CYP4Z1: variants seen among roughly 807,000 people sequenced by gnomAD.
The protein encoded by CYP4Z1 is cytochrome P450 4Z1.
In CYP4Z1, 41 loss-of-function variants were observed where a neutral mutation model predicts 54.2. That is an observed-to-expected ratio of 0.76 (90% CI 0.59 to 0.98). The LOEUF (loss-of-function observed/expected upper bound fraction) is 0.98. Ranked by LOEUF, CYP4Z1 falls within the 50% of genes least tolerant of loss-of-function variation. CYP4Z1 has a pLI of 0.00. For synonymous variants in CYP4Z1, 163 were observed against 206.2 expected (o/e 0.79, Z 1.79); for missense variants, 513 against 599.0 (o/e 0.86, Z 1.50).
In CYP4Z1 at chr1:47,067,622, C is replaced by A. The variant is rs1171645139; in HGVS notation, c.132C>A (p.His44Gln). 2 of 1,612,416 alleles carry A rather than the reference C, an allele frequency of 1.2e-6. No homozygotes were observed. The highest frequency in any genetic ancestry group is 1.7e-6 in the Non-Finnish European group (2 of 1,179,072). The change falls in exon 1 of 12, where the codon CAC (histidine) becomes CAA (glutamine). Residue 44 changes from histidine (H) to glutamine (Q), a missense_variant. Coordinates refer to ENST00000334194, the MANE Select transcript of CYP4Z1 (RefSeq NM_178134.3). ...GGAGATGGATGATCAGAGCCCTGCA[C>A]CTGTTTCCTGCACCCCCTGCCCACT... ...QRRRWMIRAL[H>Q]LFPAPPAHWF...
intron 6 of CYP4Z1, among the ~76,000 whole-genome samples, chr1:47,089,752 C>T (rs1236040203): frequency 3.3e-5 from 5 of 152,136 alleles, no homozygotes; most frequent in African/African-American, 1.2e-4. Context: ...TTTTTGAGAA[C>T]CCTTAGATCA....
At chr1:47,066,795 G>A (rs1349521047), upstream of CYP4Z1, among the ~76,000 whole-genome samples, 1 of 151,842 alleles carries the variant, frequency 6.6e-6, no homozygotes, top group African/African-American at 2.4e-5. Context: ...CCTACAGGAT[G>A]CAAAATTAAT....
intron 2 of CYP4Z1, among the ~76,000 whole-genome samples, chr1:47,069,393 A>G (rs1644475858): frequency 6.6e-6 from 1 of 152,208 alleles, no homozygotes; most frequent in Non-Finnish European, 1.5e-5. Flanking sequence ...TCATTCAGTT[A>G]TAAAATGCCT....
At chr1:47,109,000 A>G (rs114585917) in intron 9 of CYP4Z1, among the ~76,000 whole-genome samples, 1,626 of 152,182 alleles carry the variant, frequency 0.011, 37 homozygotes, top group African/African-American at 0.037. Context: ...CCTAAGTTTT[A>G]TATTTCCATA....
chr1:47,076,924 C>A (rs888829783), intron 2 of CYP4Z1, among the ~76,000 whole-genome samples: 1 of 144,690 alleles, frequency 6.9e-6, no homozygotes, highest in Non-Finnish European at 1.5e-5. Flanking sequence ...ATATTGATTT[C>A]TAGTTTTATT....
At chr1:47,062,069 G>A in the CYP4Z1 span, among the ~76,000 whole-genome samples, 1 of 152,134 alleles carries the variant, frequency 6.6e-6, no homozygotes, top group Non-Finnish European at 1.5e-5. Flanking sequence ...ACCCATATTA[G>A]CATCATAATG....
rs1343108043 is a variant in CYP4Z1 at position 47,067,655 on chromosome 1, T to C, written c.165T>C (p.Tyr55=). 4 of 1,606,798 alleles carry C rather than the reference T, an allele frequency of 2.5e-6. No individual in the cohort carries two copies. Among genetic ancestry groups the C allele is most frequent in the Non-Finnish European group, 3.4e-6 (4 of 1,175,708 alleles). The stretch of plus-strand genomic sequence containing the variant: ...CTGCACCCCCTGCCCACTGGTTCTA[T>C]GGCCACAAGGAGGTAAGAGGAGAAA... ...LFPAPPAHWF[Y]GHKEFYPVKE... Residue 55 remains tyrosine (Y), a synonymous_variant, in exon 1 of 12, where the codon TAT becomes TAC. Transcript: ENST00000334194.
chr1:47,067,210 C>G (rs561343636), upstream of CYP4Z1, among the ~76,000 whole-genome samples: 4 of 152,148 alleles, frequency 2.6e-5, no homozygotes, highest in Non-Finnish European at 5.9e-5. Flanking sequence ...TGGAAGGGGA[C>G]AGCAGTGCAG....
intron 7 of CYP4Z1, among the ~76,000 whole-genome samples, chr1:47,098,217 C>T (rs1401829004): frequency 6.6e-6 from 1 of 152,186 alleles, no homozygotes; most frequent in African/African-American, 2.4e-5. Flanking sequence ...GCAATATGGC[C>T]ATTTTCATGA....
At chr1:47,065,253 A>G (rs897233164), upstream of CYP4Z1, among the ~76,000 whole-genome samples, 1 of 152,156 alleles carries the variant, frequency 6.6e-6, no homozygotes, top group African/African-American at 2.4e-5. Context: ...TACATAGAAC[A>G]TTCTCCAAGA....
the CYP4Z1 span, among the ~76,000 whole-genome samples, chr1:47,056,115 TTGTG>T: frequency 1.3e-5 from 2 of 152,220 alleles, no homozygotes; most frequent in Non-Finnish European, 2.9e-5. Context: ...TTCTGGTATG[TTGTG>T]TCTTTGTTCT....
intron 2 of CYP4Z1, among the ~76,000 whole-genome samples, chr1:47,077,251 G>C (rs932893706): frequency 2.2e-4 from 33 of 152,016 alleles, no homozygotes; most frequent in Non-Finnish European, 4.7e-4. Context: ...CTCATATACT[G>C]TGGGGTTCTA....
At chr1:47,116,151 G>A (rs1361223237) in intron 10 of CYP4Z1, among the ~76,000 whole-genome samples, 2 of 152,094 alleles carry the variant, frequency 1.3e-5, no homozygotes, top group African/African-American at 4.8e-5. Flanking sequence ...ATACTAATCG[G>A]CAGCCTCTCA....
chr1:47,085,860 C>T (rs1336206462), intron 6 of CYP4Z1, among the ~76,000 whole-genome samples: 1 of 106,832 alleles, frequency 9.4e-6, no homozygotes, highest in Non-Finnish European at 1.7e-5. Context: ...CACCCCACAA[C>T]AGGCCCCAGT....
the CYP4Z1 span, among the ~76,000 whole-genome samples, chr1:47,056,476 G>T: frequency 2.0e-5 from 3 of 152,112 alleles, no homozygotes; most frequent in Non-Finnish European, 2.9e-5. Flanking sequence ...GGATATCCTT[G>T]TTAACTTTCT....
At chr1:47,087,957 T>C (rs1314052371) in intron 6 of CYP4Z1, among the ~76,000 whole-genome samples, 1 of 152,208 alleles carries the variant, frequency 6.6e-6, no homozygotes, top group Non-Finnish European at 1.5e-5. Flanking sequence ...GAAAATCATG[T>C]GGTTTTTGTC....
In CYP4Z1 at chr1:47,067,378, A is replaced by C. The variant is rs1644457266; in HGVS notation, c.-113A>C. ...CTTATGTCCCCTCCCTGAATATGGC[A>C]TTTTGAAAGCCCAGTGTTGCCCAGG... On this transcript the variant is annotated 5_prime_UTR_variant, in exon 1 of 12. Transcript: ENST00000334194. 8 of 915,504 alleles carry C rather than the reference A, an allele frequency of 8.7e-6. No individual in the cohort carries two copies. In the East Asian group the frequency reaches 2.4e-4, roughly 28 times the overall value. The allele number at this position is 915,504 out of a possible 1,614,324, so 56.7% of individuals were successfully genotyped here.
Position 47,094,513 on chromosome 1 carries a change from A to G in CYP4Z1, c.773-53A>G, listed in dbSNP as rs1306034543. 6 of 1,281,232 alleles carry G rather than the reference A, an allele frequency of 4.7e-6. No homozygotes were observed. The African/African-American group carries it at 7.7e-5, about 16-fold the overall frequency. The allele number at this position is 1,281,232 out of a possible 1,614,324, so 79.4% of individuals were successfully genotyped here. On this transcript the variant is annotated intron_variant, in intron 6 of 11. Coordinates refer to ENST00000334194, the MANE Select transcript of CYP4Z1 (RefSeq NM_178134.3). ...CTTCTCAGAACTACATTTGGCTTTGATTGACTTTCCAGTAACCTTGATAAT... is the reference window on the plus strand; with the variant it reads ...CTTCTCAGAACTACATTTGGCTTTGGTTGACTTTCCAGTAACCTTGATAAT...
chr1:47,057,898 G>A, the CYP4Z1 span, among the ~76,000 whole-genome samples: 3 of 151,944 alleles, frequency 2.0e-5, no homozygotes, highest in Non-Finnish European at 4.4e-5. Flanking sequence ...ACTGGACATG[G>A]TGAATAATAT....
Sources: gnomAD v4.1 joint callset for allele counts (sites outside exome capture counted in the v4.1 genomes callset) on GRCh38, gnomAD v4.1.1 for gene constraint, MANE v1.5 for transcripts, NCBI Gene and HGNC (gene_info 2026-07-23, HGNC 2026-07-21) for gene names.